SUMF1: variants seen among roughly 807,000 people sequenced by gnomAD.
The protein encoded by SUMF1 is sulfatase modifying factor 1, also known as formylglycine-generating enzyme.
A neutral mutation model predicts 47.6 loss-of-function variants in SUMF1; 48 were observed. The observed-to-expected ratio is 1.01, with a 90% CI of 0.80 to 1.28. The LOEUF (loss-of-function observed/expected upper bound fraction) is 1.28, where lower values mean the gene tolerates loss of function less well. Among genes scored for constraint, SUMF1 ranks in the 50% most tolerant of loss-of-function variants. SUMF1 has a pLI of 0.00. For missense variants in SUMF1, 571 were observed against 485.4 expected, an observed-to-expected ratio of 1.18 and a Z score of -1.66; for synonymous variants, 230 against 192.1, an observed-to-expected ratio of 1.20 and a Z score of -1.63.
chr3:4,260,452 A>C (rs907649517), intron 8 of SUMF1, among the ~76,000 whole-genome samples: 10 of 152,212 alleles, frequency 6.6e-5, no homozygotes, highest in Admixed American at 5.2e-4. Flanking sequence ...GAAATGTTTA[A>C]AATATGTAAG....
intron 8 of SUMF1, among the ~76,000 whole-genome samples, chr3:4,343,965 A>G (rs1374992236): frequency 6.6e-6 from 1 of 152,232 alleles, no homozygotes; most frequent in Non-Finnish European, 1.5e-5. Flanking sequence ...AAAGACCTAG[A>G]CCTTTATAGA....
intron 8 of SUMF1, among the ~76,000 whole-genome samples, chr3:4,131,207 T>G (rs974981893): frequency 6.6e-6 from 1 of 152,176 alleles, no homozygotes; most frequent in Non-Finnish European, 1.5e-5. Context: ...CGCAGTAACT[T>G]TCCATCATCA....
chr3:4,180,117 A>C (rs541058283), intron 8 of SUMF1, among the ~76,000 whole-genome samples: 25 of 152,338 alleles, frequency 1.6e-4, no homozygotes, highest in South Asian at 6.2e-4. Flanking sequence ...TAGTTCCACC[A>C]TTGTGGAAGA....
At chr3:4,233,114 G>T (rs1696337698) in intron 8 of SUMF1, among the ~76,000 whole-genome samples, 1 of 152,136 alleles carries the variant, frequency 6.6e-6, no homozygotes, top group Non-Finnish European at 1.5e-5. Flanking sequence ...GACTTAGGAA[G>T]CCTCATCCTC....
intron 8 of SUMF1, among the ~76,000 whole-genome samples, chr3:4,072,020 G>A (rs1355786444): frequency 2.0e-5 from 3 of 152,148 alleles, no homozygotes; most frequent in Admixed American, 2.0e-4. Flanking sequence ...AGTAGGGGCC[G>A]ACAGACACCT....
At chr3:4,428,822 C>A (rs142145776) in intron 3 of SUMF1, among the ~76,000 whole-genome samples, 31 of 152,246 alleles carry the variant, frequency 2.0e-4, no homozygotes, top group African/African-American at 7.2e-4. Flanking sequence ...ATTCATCATT[C>A]CATTACAAAT....
intron 8 of SUMF1, among the ~76,000 whole-genome samples, chr3:4,281,213 C>A (rs1215862625): frequency 6.6e-6 from 1 of 152,004 alleles, no homozygotes; most frequent in Non-Finnish European, 1.5e-5. Flanking sequence ...CTGATACAAG[C>A]CACAGAAAGA....
chr3:4,454,578 T>C (rs531378320), intron 1 of SUMF1, among the ~76,000 whole-genome samples: 1 of 152,308 alleles, frequency 6.6e-6, no homozygotes, highest in Admixed American at 6.5e-5. Context: ...CTCCTAGGTA[T>C]ATACCCAAGA....
chr3:4,263,524 T>C (rs1366594089), intron 8 of SUMF1, among the ~76,000 whole-genome samples: 2 of 152,178 alleles, frequency 1.3e-5, no homozygotes, highest in African/African-American at 2.4e-5. Flanking sequence ...TCTCCTAGTA[T>C]ACCGAACCAA....
At position 4,120,591 on chromosome 3, in the gene SUMF1, C is replaced by A. The variant is rs79438291; in HGVS notation, c.1015-51846G>T. The stretch of plus-strand genomic sequence containing the variant: ...AATTACACCTATGGGAAATTCAAGG[C>A]CAAACAGCTGGCCTAAGAAGGAAAG... On this transcript the variant is annotated intron_variant and NMD_transcript_variant, in intron 8 of 12. Coordinates refer to the SUMF1 transcript ENST00000448413. Among the ~76,000 whole-genome samples, 1,067 of 152,140 alleles carry A rather than the reference C, an allele frequency of 7.0e-3. 11 individuals are homozygous for A. Among genetic ancestry groups the A allele is most frequent in the African/African-American group, 0.024 (1,006 of 41,498 alleles).
chr3:4,389,734 C>T (rs991064068), intron 7 of SUMF1, among the ~76,000 whole-genome samples: 3 of 152,054 alleles, frequency 2.0e-5, no homozygotes, highest in Non-Finnish European at 2.9e-5. Context: ...CCCTCTGTGC[C>T]CTCCATTCTG....
At chr3:4,418,172 C>T in intron 4 of SUMF1, 40 bp from the exon 5 acceptor site, 1 of 1,613,344 alleles carries the variant, frequency 6.2e-7, no homozygotes, top group Non-Finnish European at 8.5e-7. Context: ...TGACACCAAT[C>T]AGAACAAGAA....
intron 7 of SUMF1, among the ~76,000 whole-genome samples, chr3:4,388,495 G>GT (rs1261993901): frequency 6.6e-6 from 1 of 151,600 alleles, no homozygotes; most frequent in African/African-American, 2.4e-5. Context: ...TAATTAGGTT[G>GT]TTTTTTTAAT....
At position 4,075,598 on chromosome 3, in the gene SUMF1, C is replaced by G. The variant is rs552050866; in HGVS notation, c.1015-6853G>C. ...TTATATATTTAGAAAACCCCATCAT[C>G]TCAGCCCAAAATCTCCGTAAGCTGA... On this transcript the variant is annotated intron_variant and NMD_transcript_variant, in intron 8 of 12. Transcript: ENST00000448413. Among the ~76,000 whole-genome samples, 9 of 152,266 alleles carry G rather than the reference C, an allele frequency of 5.9e-5. 1 individual carries two copies. Among genetic ancestry groups the G allele is most frequent in the African/African-American group, 2.2e-4 (9 of 41,522 alleles).
intron 8 of SUMF1, among the ~76,000 whole-genome samples, chr3:4,207,623 T>A (rs1695681506): frequency 1.3e-5 from 2 of 152,182 alleles, no homozygotes; most frequent in Admixed American, 1.3e-4. Context: ...GATTTTGGGT[T>A]AATAAGTTAA....
At chr3:4,039,048 A>G (rs1312848508) in intron 9 of SUMF1, among the ~76,000 whole-genome samples, 1 of 152,046 alleles carries the variant, frequency 6.6e-6, no homozygotes. Context: ...TGCAACAGCA[A>G]TGGCAAACAT....
intron 8 of SUMF1, among the ~76,000 whole-genome samples, chr3:4,094,803 C>T (rs1692865789): frequency 6.6e-6 from 1 of 152,002 alleles, no homozygotes; most frequent in African/African-American, 2.4e-5. Context: ...TCCTTGGTCC[C>T]AAAACCAACT....
chr3:4,203,436 C>G (rs1574974752), intron 8 of SUMF1, among the ~76,000 whole-genome samples: 1 of 152,044 alleles, frequency 6.6e-6, no homozygotes, highest in Admixed American at 6.6e-5. Flanking sequence ...TTGCATGGAA[C>G]ATACTTTTCC....
At chr3:4,327,743 T>C (rs1698974362) in intron 8 of SUMF1, among the ~76,000 whole-genome samples, 1 of 151,798 alleles carries the variant, frequency 6.6e-6, no homozygotes, top group African/African-American at 2.4e-5. Context: ...TCCTTTGGAC[T>C]TAAGGGGACC....
Sources: gnomAD v4.1 joint callset for allele counts (sites outside exome capture counted in the v4.1 genomes callset) on GRCh38, gnomAD v4.1.1 for gene constraint, MANE v1.5 for transcripts, NCBI Gene and HGNC (gene_info 2026-07-23, HGNC 2026-07-21) for gene names.